Variants in ERGIC2 observed in about 807,000 individuals in gnomAD.
The protein encoded by ERGIC2 is endoplasmic reticulum-Golgi intermediate compartment protein 2.
ERGIC2 carries 31 observed loss-of-function variants against 52.5 expected under a neutral mutation model. The ratio of observed to expected loss-of-function variants is 0.59; its 90% CI spans 0.44 to 0.80. The LOEUF (loss-of-function observed/expected upper bound fraction) is 0.80. Ranked by LOEUF, ERGIC2 falls within the 30% of genes least tolerant of loss-of-function variation. The probability of loss-of-function intolerance (pLI) is 0.00; values close to 1 mark genes in which losing one functional copy is unlikely to be tolerated. For missense variants in ERGIC2, 395 were observed against 455.2 expected, an observed-to-expected ratio of 0.87 and a Z score of 1.20; for synonymous variants, 129 against 140.6, an observed-to-expected ratio of 0.92 and a Z score of 0.58.
chr12:29,339,193 G>C lies in ERGIC2; in HGVS notation c.*1963C>G, dbSNP rs560508623. ...TGCTTTAAAGAAATTCCTTTCATAG[G>C]AGATAAATTTCATTAAAATTTTAAT... On this transcript the variant is annotated 3_prime_UTR_variant, in exon 14 of 14. Transcript: ENST00000360150. The C allele has an allele frequency of 3.3e-5, 5 of 152,192 alleles. No individual in the cohort carries two copies. The highest frequency in any genetic ancestry group is 3.3e-4 in the Admixed American group (5 of 15,298). The allele number at this position is 152,192 out of a possible 1,614,324, so 9.4% of individuals were successfully genotyped here.
intron 5 of ERGIC2, among the ~76,000 whole-genome samples, chr12:29,364,764 G>A (rs573570701): frequency 1.3e-5 from 2 of 151,654 alleles, no homozygotes; most frequent in African/African-American, 4.8e-5. Flanking sequence ...AATTGAACAT[G>A]TAAAAAACAA....
chr12:29,368,119 A>C, intron 4 of ERGIC2, 122 bp downstream of exon 4: 1 of 662,784 alleles, frequency 1.5e-6, no homozygotes, highest in Non-Finnish European at 2.7e-6. Context: ...AAATAATACC[A>C]CAGTAAAACT....
chr12:29,359,033 C>T (rs1371002398), intron 6 of ERGIC2, among the ~76,000 whole-genome samples: 1 of 152,026 alleles, frequency 6.6e-6, no homozygotes, highest in East Asian at 1.9e-4. Flanking sequence ...TATTATAGAA[C>T]ACCAACTGAG....
chr12:29,375,238 C>T (rs766782954), intron 1 of ERGIC2, among the ~76,000 whole-genome samples: 16 of 152,284 alleles, frequency 1.1e-4, no homozygotes, highest in Admixed American at 2.6e-4. Flanking sequence ...GCTTCTAGAA[C>T]GTTGTACCTT....
chr12:29,350,094 A>C (rs139010014), intron 8 of ERGIC2, 26 bp from the exon 9 acceptor site: 2 of 1,398,660 alleles, frequency 1.4e-6, no homozygotes, highest in African/African-American at 2.9e-5. Flanking sequence ...ACAATTATTA[A>C]AGTAGTACCA....
At chr12:29,378,031 TG>T (rs2136885671) in intron 1 of ERGIC2, among the ~76,000 whole-genome samples, 1 of 152,350 alleles carries the variant, frequency 6.6e-6, no homozygotes, top group African/African-American at 2.4e-5. Context: ...GAACAAGATA[TG>T]TTGAAGTCTC....
Position 29,343,201 on chromosome 12 carries a change from T to C in ERGIC2, c.907A>G (p.Thr303Ala). 1 of 1,611,300 alleles carries C rather than the reference T, an allele frequency of 6.2e-7. No homozygotes were observed. The highest frequency in any genetic ancestry group is 8.5e-7 in the Non-Finnish European group (1 of 1,178,108). Residue 303 changes from threonine (T) to alanine (A), a missense_variant, in exon 12 of 14, where the codon ACA (threonine) becomes GCA (alanine). Thr to Ala is a moderately conservative substitution (Grantham distance 58). Transcript: ENST00000360150. ...AATGGCATGTGCTCCTCAGTAACTG[T>C]CACCATAAGAGAACTGAGATCATAT... ...MKYDLSSLMV[T>A]VTEEHMPFWQ...
At chr12:29,374,151 C>A (rs866786948) in intron 1 of ERGIC2, among the ~76,000 whole-genome samples, 1 of 152,166 alleles carries the variant, frequency 6.6e-6, no homozygotes, top group Non-Finnish European at 1.5e-5. Context: ...ACTGTGACTA[C>A]TTCCTCACCC....
In ERGIC2 at chr12:29,371,660, A is replaced by AT; in HGVS notation, c.-28dup. The AT allele has an allele frequency of 7.2e-7, 1 of 1,386,332 alleles. No homozygotes were observed. The highest frequency in any genetic ancestry group is 1.0e-6 in the Non-Finnish European group (1 of 973,540). The allele number at this position is 1,386,332 out of a possible 1,614,324, so 85.9% of individuals were successfully genotyped here. ...TTCAGGAAAACCTTCCTCTTCCTTC[A>AT]TATAGTCATGCTAAGGAATAAATAA... On this transcript the variant is annotated 5_prime_UTR_variant, in exon 2 of 14. The change creates a new upstream start codon in the 5' untranslated region. Coordinates refer to ENST00000360150, the MANE Select transcript of ERGIC2 (RefSeq NM_016570.3).
At chr12:29,366,567 A>G (rs1317164012) in intron 5 of ERGIC2, among the ~76,000 whole-genome samples, 4 of 151,938 alleles carry the variant, frequency 2.6e-5, no homozygotes, top group Non-Finnish European at 5.9e-5. Context: ...ACTCATCACT[A>G]TAACTAGAAG....
intron 6 of ERGIC2, among the ~76,000 whole-genome samples, chr12:29,360,948 A>G (rs1940276243): frequency 6.6e-6 from 1 of 152,042 alleles, no homozygotes; most frequent in Admixed American, 6.6e-5. Flanking sequence ...ACTTTTTCAG[A>G]AAGTTTACAA....
At chr12:29,370,628 T>C (rs1344316409) in intron 2 of ERGIC2, among the ~76,000 whole-genome samples, 1 of 151,928 alleles carries the variant, frequency 6.6e-6, no homozygotes, top group Non-Finnish European at 1.5e-5. Context: ...AATGCATCCA[T>C]GTCTATAAAT....
rs559838682 is a variant in ERGIC2, at chr12:29,369,931, C to T, written c.215+183G>A. On this transcript the variant is annotated intron_variant, in intron 3 of 13. Coordinates refer to ENST00000360150, the MANE Select transcript of ERGIC2 (RefSeq NM_016570.3). ...GAACCTCAGTTTTAGAATTCAACCA[C>T]TATTTAAATGATTCTAAAAGGTTTC... 1.6e-4 allele frequency among the ~76,000 whole-genome samples: 24 copies of T among 152,074 alleles called. No homozygotes were observed. In the East Asian group the frequency reaches 1.9e-3, roughly 12 times the overall value.
chr12:29,380,784 G>C (rs1319826447), intron 1 of ERGIC2: 1 of 152,414 alleles, frequency 6.6e-6, no homozygotes, highest in Non-Finnish European at 1.5e-5. Flanking sequence ...GCGGACTGGA[G>C]AAACCACCTG....
chr12:29,342,874 A>G (rs1055235399), intron 12 of ERGIC2, among the ~76,000 whole-genome samples: 3 of 152,354 alleles, frequency 2.0e-5, no homozygotes, highest in Middle Eastern at 3.4e-3. Context: ...ATTCTACTTC[A>G]ATCTGATGTT....
intron 11 of ERGIC2, among the ~76,000 whole-genome samples, chr12:29,344,231 C>T (rs950431545): frequency 7.9e-5 from 12 of 152,150 alleles, no homozygotes; most frequent in Non-Finnish European, 1.6e-4. Flanking sequence ...CTGAAACACA[C>T]ATTTTTATAT....
chr12:29,370,797 G>A (rs1426539727), intron 2 of ERGIC2, among the ~76,000 whole-genome samples: 2 of 151,878 alleles, frequency 1.3e-5, no homozygotes, highest in Non-Finnish European at 1.5e-5. Flanking sequence ...CCTCTACTTG[G>A]CAATCTCCTA....
chr12:29,355,525 G>C (rs1341440970), intron 8 of ERGIC2, among the ~76,000 whole-genome samples: 1 of 152,074 alleles, frequency 6.6e-6, no homozygotes, highest in African/African-American at 2.4e-5. Flanking sequence ...AAGATGGATG[G>C]ATCTATTTAT....
intron 8 of ERGIC2, among the ~76,000 whole-genome samples, chr12:29,352,322 A>C (rs1940144392): frequency 6.6e-6 from 1 of 152,160 alleles, no homozygotes; most frequent in Non-Finnish European, 1.5e-5. Flanking sequence ...TATATTTCTC[A>C]TGTATTATAT....
Sources: gnomAD v4.1 joint callset for allele counts (sites outside exome capture counted in the v4.1 genomes callset) on GRCh38, gnomAD v4.1.1 for gene constraint, MANE v1.5 for transcripts, NCBI Gene and HGNC (gene_info 2026-07-23, HGNC 2026-07-21) for gene names.